FHIT: variants seen among roughly 807,000 people sequenced by gnomAD.
FHIT encodes fragile histidine triad diadenosine triphosphatase.
A neutral mutation model predicts 17.9 loss-of-function variants in FHIT; 19 were observed. The ratio of observed to expected loss-of-function variants is 1.06; its 90% CI spans 0.74 to 1.56. The LOEUF (loss-of-function observed/expected upper bound fraction) is 1.56, where lower values mean the gene tolerates loss of function less well. Among genes scored for constraint, FHIT ranks in the 40% most tolerant of loss-of-function variants. The pLI is 0.00. For missense variants in FHIT, 248 were observed against 189.2 expected, an observed-to-expected ratio of 1.31 and a Z score of -1.82; for synonymous variants, 81 against 69.7, an observed-to-expected ratio of 1.16 and a Z score of -0.81.
chr3:59,993,503 C>T (rs1699376737), intron 7 of FHIT, among the ~76,000 whole-genome samples: 2 of 151,962 alleles, frequency 1.3e-5, no homozygotes, highest in Non-Finnish European at 2.9e-5. Flanking sequence ...AAACCTCAAA[C>T]CCCAATTGGC....
chr3:60,621,318 T>C (rs1276173047), intron 4 of FHIT, among the ~76,000 whole-genome samples: 2 of 151,864 alleles, frequency 1.3e-5, no homozygotes, highest in Non-Finnish European at 2.9e-5. Flanking sequence ...CTAGCTACTT[T>C]TTTGTATTTT....
intron 2 of FHIT, among the ~76,000 whole-genome samples, chr3:61,062,936 T>C (rs2034477696): frequency 1.3e-5 from 2 of 152,182 alleles, no homozygotes; most frequent in Admixed American, 6.5e-5. Context: ...CTTGGAGGAC[T>C]AACTGATATC....
At chr3:60,908,474 A>C (rs781897671) in intron 3 of FHIT, among the ~76,000 whole-genome samples, 2 of 152,168 alleles carry the variant, frequency 1.3e-5, no homozygotes, top group Non-Finnish European at 2.9e-5. Context: ...GTTTTCTTTC[A>C]CAATGGCACA....
intron 5 of FHIT, among the ~76,000 whole-genome samples, chr3:60,106,502 A>T (rs147674915): frequency 0.03 from 4,587 of 152,322 alleles, 90 homozygotes; most frequent in Non-Finnish European, 0.041. Flanking sequence ...GGAAGACATG[A>T]ACAGAAATGT....
intron 5 of FHIT, among the ~76,000 whole-genome samples, chr3:60,311,908 G>T (rs1024264570): frequency 9.9e-5 from 15 of 151,502 alleles, no homozygotes; most frequent in Admixed American, 8.6e-4. Flanking sequence ...TTTTACAGTT[G>T]AGAAAATCAA....
chr3:60,441,788 A>ATATATATGTGTGTGTGTG (rs2030881696), intron 5 of FHIT, among the ~76,000 whole-genome samples: 1 of 12,318 alleles, frequency 8.1e-5, no homozygotes, highest in Non-Finnish European at 1.8e-4. Context: ...ATAAAAATAT[A>ATATATATGTGTGTGTGTG]TATATATATA....
At chr3:60,116,933 T>TA (rs1384733529) in intron 5 of FHIT, among the ~76,000 whole-genome samples, 1 of 152,122 alleles carries the variant, frequency 6.6e-6, no homozygotes, top group Non-Finnish European at 1.5e-5. Flanking sequence ...TAGAAAAAGT[T>TA]ACGGAAATAT....
chr3:60,168,374 G>A (rs879262825), intron 5 of FHIT, among the ~76,000 whole-genome samples: 4 of 152,210 alleles, frequency 2.6e-5, no homozygotes, highest in Non-Finnish European at 4.4e-5. Context: ...CTCTGATTAT[G>A]CAAGGTTCCT....
intron 8 of FHIT, among the ~76,000 whole-genome samples, chr3:59,905,308 G>T (rs879918548): frequency 6.6e-6 from 1 of 152,216 alleles, no homozygotes; most frequent in African/African-American, 2.4e-5. Flanking sequence ...CGAACTTCAA[G>T]AATAAACTGG....
At chr3:60,621,082 C>G (rs1233954790) in intron 4 of FHIT, among the ~76,000 whole-genome samples, 8 of 151,884 alleles carry the variant, frequency 5.3e-5, no homozygotes, top group Non-Finnish European at 1.0e-4. Context: ...TCACACCAAT[C>G]CTTTCATTCC....
intron 4 of FHIT, among the ~76,000 whole-genome samples, chr3:60,670,887 G>A (rs1201561594): frequency 1.3e-5 from 2 of 152,104 alleles, no homozygotes; most frequent in Non-Finnish European, 2.9e-5. Context: ...ATAATTAGTT[G>A]GTAATTAACA....
intron 4 of FHIT, among the ~76,000 whole-genome samples, chr3:60,638,255 G>A (rs993781507): frequency 6.6e-6 from 1 of 152,090 alleles, no homozygotes; most frequent in African/African-American, 2.4e-5. Context: ...CCTCATAGAG[G>A]AATCACAGTT....
chr3:59,835,713 T>C lies in FHIT; in HGVS notation c.349-83392A>G, dbSNP rs140456501. On this transcript the variant is annotated intron_variant, in intron 8 of 9. Coordinates refer to ENST00000492590, the MANE Select transcript of FHIT (RefSeq NM_002012.4). ...AGAATCACCCCTCTGTATTACAATA[T>C]GCATTGAGAAGACTCTCTTTGAGGT... 4.1e-4 allele frequency among the ~76,000 whole-genome samples: 63 copies of C among 152,284 alleles called. 1 individual carries two copies. In the East Asian group the frequency reaches 0.011, roughly 28 times the overall value.
At chr3:60,085,816 T>C (rs147900615) in intron 5 of FHIT, among the ~76,000 whole-genome samples, 19 of 152,358 alleles carry the variant, frequency 1.2e-4, no homozygotes, top group Admixed American at 8.5e-4. Context: ...CTGTTGGCTC[T>C]ACAGTGCTGC....
rs186980356 is a variant in FHIT at position 60,925,579 on chromosome 3, A to T, written c.-110-103568T>A. On this transcript the variant is annotated intron_variant, in intron 3 of 9. Transcript: ENST00000492590. ...AAGGAAGCACTAAACATGGAAAGGA[A>T]CAACTGGTACCAGCCACTGCAGAAA... is the stretch of plus-strand genomic sequence containing the variant. Among the ~76,000 whole-genome samples the T allele has an allele frequency of 2.5e-3, 379 of 152,332 alleles. 2 individuals carry two copies. Among genetic ancestry groups the T allele is most frequent in the African/African-American group, 8.7e-3 (362 of 41,580 alleles).
intron 5 of FHIT, among the ~76,000 whole-genome samples, chr3:60,196,365 A>G (rs943811866): frequency 6.6e-6 from 1 of 152,066 alleles, no homozygotes; most frequent in Non-Finnish European, 1.5e-5. Context: ...TCCTGCTCAC[A>G]CCACAACACT....
intron 4 of FHIT, among the ~76,000 whole-genome samples, chr3:60,619,524 T>C (rs2107749276): frequency 7.2e-6 from 1 of 137,978 alleles, no homozygotes. Flanking sequence ...AGCCACCAAA[T>C]ACATCAGTGA....
At chr3:61,009,713 T>C (rs749643227) in intron 3 of FHIT, among the ~76,000 whole-genome samples, 6 of 152,032 alleles carry the variant, frequency 3.9e-5, no homozygotes, top group South Asian at 2.1e-4. Context: ...AGATTAACGA[T>C]TAATTCATTT....
chr3:60,890,016 T>A (rs1705429606), intron 3 of FHIT, among the ~76,000 whole-genome samples: 2 of 152,104 alleles, frequency 1.3e-5, no homozygotes, highest in Non-Finnish European at 2.9e-5. Context: ...TTTATGAACA[T>A]CCAAATAAAA....
Sources: allele counts gnomAD v4.1 joint callset (sites outside exome capture counted in the v4.1 genomes callset), GRCh38; gene constraint gnomAD v4.1.1; transcripts MANE v1.5; gene names NCBI Gene and HGNC (gene_info 2026-07-23, HGNC 2026-07-21).